The following TNRC6A variants were observed in gnomAD, a reference collection of about 807,000 sequenced individuals.
TNRC6A encodes the protein trinucleotide repeat-containing gene 6A protein.
TNRC6A carries 44 observed loss-of-function variants against 221.2 expected under a neutral mutation model. That is an observed-to-expected ratio of 0.20 (90% CI 0.16 to 0.26). The LOEUF is 0.26. Among genes scored for constraint, TNRC6A ranks in the 10% least tolerant of loss-of-function variants. The probability of loss-of-function intolerance (pLI) is 1.00; values close to 1 mark genes in which losing one functional copy is unlikely to be tolerated. For missense variants in TNRC6A, 2,199 were observed against 2,404.4 expected (o/e 0.91, Z 1.79); for synonymous variants, 847 against 838.5 (o/e 1.01, Z -0.18).
chr16:24,645,848 A>AAAAAAAAAAAC (rs1902255977), intron 2 of TNRC6A, among the ~76,000 whole-genome samples: 1 of 136,168 alleles, frequency 7.3e-6, no homozygotes, highest in Non-Finnish European at 1.6e-5. Flanking sequence ...AAAAAAAAAA[A>AAAAAAAAAAAC]AAAAAAAAAA....
At chr16:24,751,827 G>A (rs960524570) in intron 3 of TNRC6A, among the ~76,000 whole-genome samples, 2 of 152,176 alleles carry the variant, frequency 1.3e-5, no homozygotes, top group Admixed American at 1.3e-4. Context: ...GGGAACTGTT[G>A]CAGTACAGAG....
rs181041613 is a variant in TNRC6A at position 24,644,659 on chromosome 16, C to T, written n.402+3650C>T. 3.1e-3 allele frequency among the ~76,000 whole-genome samples: 477 copies of T among 151,942 alleles called. 5 individuals carry two copies. Among genetic ancestry groups the T allele is most frequent in the African/African-American group, 0.011 (460 of 41,436 alleles). On this transcript the variant is annotated intron_variant and non_coding_transcript_variant, in intron 2 of 2. Coordinates refer to the TNRC6A transcript ENST00000566108. ...GTAGAGTCAAGGTCTCACTATGCTG[C>T]CCAGGCTGGTCTCAAACTCCTAGTC...
chr16:24,666,668 A>AAAAAATAT (rs1555487103), intron 2 of TNRC6A, among the ~76,000 whole-genome samples: 4 of 65,132 alleles, frequency 6.1e-5, no homozygotes, highest in Non-Finnish European at 7.3e-5. Context: ...AAAAAAAAAA[A>AAAAAATAT]ATATATATAT....
chr16:24,711,935 A>G (rs528095646), intron 2 of TNRC6A, among the ~76,000 whole-genome samples: 4 of 152,216 alleles, frequency 2.6e-5, no homozygotes, highest in Admixed American at 2.0e-4. Context: ...TGCTGGGATT[A>G]CAGGGATGAG....
At chr16:24,729,998 A>G (rs2151145567) in intron 1 of TNRC6A, 152 bp downstream of exon 1, 2 of 736,310 alleles carry the variant, frequency 2.7e-6, no homozygotes, top group Non-Finnish European at 3.4e-6. Flanking sequence ...GTTGCTGCGG[A>G]GGCCGAGCGG....
chr16:24,821,722 C>G (rs2058769527), intron 22 of TNRC6A: 2 of 237,378 alleles, frequency 8.4e-6, no homozygotes, highest in African/African-American at 2.3e-5. Context: ...GACACACACG[C>G]AGAGTGATCA....
At chr16:24,677,016 G>A (rs367927005) in intron 2 of TNRC6A, among the ~76,000 whole-genome samples, 10 of 151,868 alleles carry the variant, frequency 6.6e-5, no homozygotes, top group African/African-American at 1.4e-4. Context: ...ATTGTCTGTC[G>A]CCAATTCAGG....
chr16:24,701,810 T>C (rs2055983132), intron 2 of TNRC6A, among the ~76,000 whole-genome samples: 1 of 152,208 alleles, frequency 6.6e-6, no homozygotes, highest in Non-Finnish European at 1.5e-5. Flanking sequence ...CTAATTGGTA[T>C]CTGAACCCAT....
chr16:24,804,904 T>A (rs1326567107), intron 13 of TNRC6A, 53 bp downstream of exon 13: 3 of 1,613,532 alleles, frequency 1.9e-6, no homozygotes, highest in Non-Finnish European at 1.7e-6. Flanking sequence ...GTATTAGTAA[T>A]AAGATCTCTC....
intron 5 of TNRC6A, among the ~76,000 whole-genome samples, chr16:24,782,250 A>G (rs1815720726): frequency 6.6e-6 from 1 of 152,124 alleles, no homozygotes. Flanking sequence ...TGTCTTTTAT[A>G]TCCATCTCCC....
At chr16:24,781,824 ACT>A (rs2057853592) in intron 5 of TNRC6A, among the ~76,000 whole-genome samples, 1 of 144,932 alleles carries the variant, frequency 6.9e-6, no homozygotes. Flanking sequence ...GCTGATTTTA[ACT>A]CTTTTTTTTT....
intron 2 of TNRC6A, 93 bp downstream of exon 2, chr16:24,730,393 C>G: frequency 6.9e-7 from 1 of 1,453,382 alleles, no homozygotes; most frequent in South Asian, 1.3e-5. Flanking sequence ...TCCCCCGTGA[C>G]ATTTTCTTCC....
intron 5 of TNRC6A, among the ~76,000 whole-genome samples, chr16:24,783,525 CA>C (rs749091848): frequency 2.8e-5 from 4 of 142,892 alleles, no homozygotes; most frequent in African/African-American, 1.0e-4. Flanking sequence ...CTATTATGTA[CA>C]ATTTTTTTTT....
chr16:24,706,684 T>C, intron 2 of TNRC6A, among the ~76,000 whole-genome samples: 2 of 127,952 alleles, frequency 1.6e-5, no homozygotes, highest in African/African-American at 3.1e-5. Flanking sequence ...AGAGCGAGAC[T>C]CTGTCTCAAA....
At position 24,797,548 on chromosome 16, in the gene TNRC6A, A is replaced by G; in HGVS notation, c.3620A>G (p.Gln1207Arg). 6.2e-7 allele frequency: 1 copy of G among 1,612,136 alleles called. No homozygotes were observed. The highest frequency in any genetic ancestry group is 1.1e-5 in the South Asian group (1 of 90,392). The change falls in exon 10 of 25, where the codon CAG becomes CGG. Residue 1207 changes from glutamine to arginine, a missense_variant. Gln to Arg is a conservative substitution (Grantham distance 43). Around this residue, in one of 8 missense-constraint regions of TNRC6A, gnomAD observed 158 missense variants for 159.1 expected, o/e 0.99. Transcript: ENST00000395799. ...GCGTGGATAAATCCATTTGTTAAAC[A>G]GTTTTCAAACATCAGTTTTTCGGTA... The part of the protein sequence containing the change: ...EEAWINPFVK[Q>R]FSNISFSRDS...
At chr16:24,755,048 C>A (rs906088799) in intron 3 of TNRC6A, among the ~76,000 whole-genome samples, 1 of 152,172 alleles carries the variant, frequency 6.6e-6, no homozygotes, top group African/African-American at 2.4e-5. Context: ...GAGTTGTGCT[C>A]TCATAGAGGG....
chr16:24,811,164 C>T (rs1048566406), intron 18 of TNRC6A, among the ~76,000 whole-genome samples: 4 of 152,172 alleles, frequency 2.6e-5, no homozygotes, highest in East Asian at 1.9e-4. Context: ...GAACAGGCGA[C>T]GGTCCTGGCA....
chr16:24,645,858 A>AAAAAAAAAAAAAAAAAAAAAC (rs1351792620), intron 2 of TNRC6A, among the ~76,000 whole-genome samples: 1 of 142,728 alleles, frequency 7.0e-6, no homozygotes, highest in Non-Finnish European at 1.5e-5. Flanking sequence ...AAAAAAAAAA[A>AAAAAAAAAAAAAAAAAAAAAC]AAAAAAAAAT....
chr16:24,793,620 C>A lies in TNRC6A; in HGVS notation c.3323C>A (p.Ser1108Tyr). The change falls in exon 7 of 25, where the codon TCT becomes TAT. Residue 1108 changes from serine to tyrosine, a missense_variant. This residue lies in a region of TNRC6A where 1,405 missense variants were observed against 1,400.2 expected (regional missense o/e 1.00). Coordinates refer to ENST00000395799, the MANE Select transcript of TNRC6A (RefSeq NM_014494.4). ...ASSTSTWGSS[S>Y]VGPQALSKSG... ...AGCACATCCACGTGGGGCTCCAGCT[C>A]TGTTGGTCCACAAGCATTAAGCAAA... 6.5e-7 allele frequency: 1 copy of A among 1,539,246 alleles called. No homozygotes were observed. The highest frequency in any genetic ancestry group is 8.8e-7 in the Non-Finnish European group (1 of 1,141,588).
Sources: allele counts gnomAD v4.1 joint callset (sites outside exome capture counted in the v4.1 genomes callset), GRCh38; gene constraint gnomAD v4.1.1; regional missense constraint gnomAD v4.1.1; transcripts MANE v1.5; gene names NCBI Gene and HGNC (gene_info 2026-07-23, HGNC 2026-07-21).